Variants in RHOA observed in about 807,000 individuals in gnomAD.
RHOA encodes transforming protein RhoA.
RHOA carries 3 observed loss-of-function variants against 17.5 expected under a neutral mutation model. The observed-to-expected ratio is 0.17, with a 90% CI of 0.08 to 0.44. RHOA has a LOEUF of 0.44. Among genes scored for constraint, RHOA ranks in the 20% least tolerant of loss-of-function variants. The pLI is 0.99. For synonymous variants in RHOA, 98 were observed against 88.4 expected (o/e 1.11, Z -0.61); for missense variants, 56 against 242.3 (o/e 0.23, Z 5.10).
At position 49,360,257 on chromosome 3, in the gene RHOA, A is replaced by G. The variant is rs756068928; in HGVS notation, c.534T>C (p.Ala178=). ...REVFEMATRA[A]LQARRGKKKS... is the part of the protein sequence containing the mutation. ...TTTTCTTCCCACGTCTAGCTTGCAGAGCAGCTCTCGTAGCCATTTCAAAAA... is the reference window on the plus strand; with the variant it reads ...TTTTCTTCCCACGTCTAGCTTGCAGGGCAGCTCTCGTAGCCATTTCAAAAA... The change falls in exon 5 of 5, where the codon GCT becomes GCC. Residue 178 remains alanine (A), a synonymous_variant. Coordinates refer to ENST00000418115, the MANE Select transcript of RHOA (RefSeq NM_001664.4). The G allele has an allele frequency of 1.8e-5, 29 of 1,614,028 alleles. No homozygotes were observed.
chr3:49,376,148 G>A (rs367612326), intron 1 of RHOA, among the ~76,000 whole-genome samples: 1 of 151,872 alleles, frequency 6.6e-6, no homozygotes, highest in African/African-American at 2.4e-5. Flanking sequence ...GCCTGTTCTT[G>A]CTACTTCTAT....
In RHOA at chr3:49,396,745, G is replaced by A. The variant is rs184391079; in HGVS notation, c.-3+15075C>T. Among the ~76,000 whole-genome samples, 188 of 152,170 alleles carry A rather than the reference G, an allele frequency of 1.2e-3. 1 individual carries two copies. Among genetic ancestry groups the A allele is most frequent in the African/African-American group, 4.4e-3 (183 of 41,518 alleles). ...GGCCGGGTGCAGTTATCAGCACTCTGGGAGGCTGAGGTGGGAGAACTGCTT... is the reference window on the plus strand; with the variant it reads ...GGCCGGGTGCAGTTATCAGCACTCTAGGAGGCTGAGGTGGGAGAACTGCTT... On this transcript the variant is annotated intron_variant, in intron 1 of 4. Transcript: ENST00000418115.
Position 49,393,804 on chromosome 3 carries a change from G to C in RHOA, c.-3+18016C>G, listed in dbSNP as rs570326850. 3.3e-5 allele frequency among the ~76,000 whole-genome samples: 5 copies of C among 151,172 alleles called. No homozygotes were observed. In the South Asian group the frequency reaches 1.0e-3, roughly 32 times the overall value. ...GGCTCACTGCAACCTCCGCCTCCCG[G>C]GTTCAAGCAGTTCTCCTGTCTCAGC... On this transcript the variant is annotated intron_variant, in intron 1 of 4. Coordinates refer to ENST00000418115, the MANE Select transcript of RHOA (RefSeq NM_001664.4).
At chr3:49,402,601 G>C (rs539951026) in intron 1 of RHOA, among the ~76,000 whole-genome samples, 2 of 152,166 alleles carry the variant, frequency 1.3e-5, no homozygotes, top group East Asian at 1.9e-4. Context: ...TTGGGCACAA[G>C]AGTTAGAGGC....
At chr3:49,368,404 A>G in intron 3 of RHOA, 24 bp downstream of exon 3, 7 of 1,603,120 alleles carry the variant, frequency 4.4e-6, no homozygotes, top group Non-Finnish European at 6.0e-6. Context: ...GCAGTGACAA[A>G]TATCAGGGTG....
At chr3:49,411,572 C>A (rs965061842) in intron 1 of RHOA, among the ~76,000 whole-genome samples, 1 of 151,766 alleles carries the variant, frequency 6.6e-6, no homozygotes, top group African/African-American at 2.4e-5. Flanking sequence ...CTCCACCAGG[C>A]CCGGCCGGGC....
intron 1 of RHOA, among the ~76,000 whole-genome samples, chr3:49,396,567 C>G (rs2048619793): frequency 6.6e-6 from 1 of 152,022 alleles, no homozygotes; most frequent in South Asian, 2.1e-4. Context: ...ATTAGCCGGA[C>G]ATGATGGCAC....
intron 1 of RHOA, among the ~76,000 whole-genome samples, chr3:49,409,024 G>C (rs373419212): frequency 6.6e-6 from 1 of 151,124 alleles, no homozygotes; most frequent in Non-Finnish European, 1.5e-5. Flanking sequence ...TCCAGACCTC[G>C]TGATCCGCCC....
At chr3:49,395,614 G>A (rs142438179) in intron 1 of RHOA, among the ~76,000 whole-genome samples, 1,693 of 152,064 alleles carry the variant, frequency 0.011, 30 homozygotes, top group African/African-American at 0.039. Context: ...TCGGGAGGCT[G>A]AGGTAGGAGA....
chr3:49,397,874 G>A (rs1321783047), intron 1 of RHOA, among the ~76,000 whole-genome samples: 1 of 152,174 alleles, frequency 6.6e-6, no homozygotes, highest in Non-Finnish European at 1.5e-5. Context: ...GGGAACAGGA[G>A]ATTTGAGCCA....
intron 1 of RHOA, among the ~76,000 whole-genome samples, chr3:49,395,497 G>A (rs1254946632): frequency 6.6e-6 from 1 of 152,098 alleles, no homozygotes; most frequent in African/African-American, 2.4e-5. Flanking sequence ...CAGATCACCT[G>A]AGGTCAGGAG....
rs199779593 is a variant in RHOA, at chr3:49,368,415, C to T, written c.277+13G>A. ...ACAGGCAGTGACAAATATCAGGGTG[C>T]AGGGCCACTCACCTAAACTATCAGG... On this transcript the variant is annotated intron_variant, in intron 3 of 4. Transcript: ENST00000418115. The T allele has an allele frequency of 6.2e-7, 1 of 1,612,142 alleles. No homozygotes were observed. Among genetic ancestry groups the T allele is most frequent in the Admixed American group, 1.7e-5 (1 of 59,886 alleles).
chr3:49,364,511 A>G (rs1301773958), intron 3 of RHOA, among the ~76,000 whole-genome samples: 1 of 151,948 alleles, frequency 6.6e-6, no homozygotes, highest in Non-Finnish European at 1.5e-5. Context: ...AAACAAAAAA[A>G]TTAACTGGGC....
chr3:49,399,085 A>AAAAAAAC (rs2048673705), intron 1 of RHOA, among the ~76,000 whole-genome samples: 1 of 138,982 alleles, frequency 7.2e-6, no homozygotes, highest in Non-Finnish European at 1.6e-5. Flanking sequence ...AAAAAAAAAA[A>AAAAAAAC]AAGGCTGGGC....
intron 1 of RHOA, among the ~76,000 whole-genome samples, chr3:49,393,450 G>A (rs62259944): frequency 0.17 from 26,252 of 151,624 alleles, 3,032 homozygotes; most frequent in Middle Eastern, 0.28. Context: ...GAGACCACAG[G>A]CACACACCAC....
intron 2 of RHOA, chr3:49,373,311 TC>T: frequency 4.5e-6 from 1 of 220,738 alleles, no homozygotes. Context: ...GCCATTGCAC[TC>T]CAACCTGGGT....
intron 1 of RHOA, among the ~76,000 whole-genome samples, chr3:49,387,579 T>TA (rs1268046917): frequency 6.7e-6 from 1 of 149,966 alleles, no homozygotes; most frequent in Non-Finnish European, 1.5e-5. Context: ...CCGTCTCTAC[T>TA]AAAAATACAA....
At chr3:49,408,338 CCT>C (rs1164750871) in intron 1 of RHOA, among the ~76,000 whole-genome samples, 1 of 151,410 alleles carries the variant, frequency 6.6e-6, no homozygotes, top group East Asian at 1.9e-4. Flanking sequence ...ACATACTCAT[CCT>C]CTTCAAAAAA....
chr3:49,366,060 GA>G (rs1312733247), intron 3 of RHOA, among the ~76,000 whole-genome samples: 5 of 151,986 alleles, frequency 3.3e-5, no homozygotes, highest in African/African-American at 9.7e-5. Context: ...GTCTCAAAAA[GA>G]AAAAAGTGAG....
Sources: allele counts gnomAD v4.1 joint callset (sites outside exome capture counted in the v4.1 genomes callset), GRCh38; gene constraint gnomAD v4.1.1; transcripts MANE v1.5; gene names NCBI Gene and HGNC (gene_info 2026-07-23, HGNC 2026-07-21).